LEF1: variants seen among roughly 807,000 people sequenced by gnomAD.
LEF1 encodes the protein lymphoid enhancer-binding factor 1.
LEF1 carries 14 observed loss-of-function variants against 51.2 expected under a neutral mutation model. The ratio of observed to expected loss-of-function variants is 0.27; its 90% CI spans 0.18 to 0.43. The LOEUF is 0.43. LEF1 is among the 20% of genes least tolerant of loss of function. The pLI is 1.00. For synonymous variants in LEF1, 185 were observed against 183.2 expected, an observed-to-expected ratio of 1.01 and a Z score of -0.08; for missense variants, 386 against 512.0, an observed-to-expected ratio of 0.75 and a Z score of 2.37.
intron 11 of LEF1, among the ~76,000 whole-genome samples, chr4:108,063,020 T>C (rs1472035887): frequency 6.6e-6 from 1 of 152,156 alleles, no homozygotes; most frequent in Non-Finnish European, 1.5e-5. Flanking sequence ...TACTTATAAA[T>C]ACTAGAGCAA....
intron 1 of LEF1, among the ~76,000 whole-genome samples, chr4:108,166,050 A>T (rs537983684): frequency 5.8e-4 from 88 of 152,270 alleles, no homozygotes; most frequent in African/African-American, 1.9e-3. Context: ...TACAAATAGG[A>T]GAGTTTGGCA....
At chr4:108,143,815 G>A (rs937006758) in intron 3 of LEF1, among the ~76,000 whole-genome samples, 2 of 152,132 alleles carry the variant, frequency 1.3e-5, no homozygotes, top group Non-Finnish European at 1.5e-5. Flanking sequence ...AAAGCATATG[G>A]AATCTCAGTA....
chr4:108,068,595 C>T (rs951140363), intron 9 of LEF1, among the ~76,000 whole-genome samples: 2 of 152,212 alleles, frequency 1.3e-5, no homozygotes, highest in Admixed American at 6.5e-5. Flanking sequence ...GCTGACTATG[C>T]TGTTTCCCAT....
intron 3 of LEF1, among the ~76,000 whole-genome samples, chr4:108,123,365 G>T (rs1486781465): frequency 5.4e-5 from 8 of 149,244 alleles, no homozygotes; most frequent in Non-Finnish European, 1.2e-4. Flanking sequence ...GGGAAGGTAG[G>T]TTTATTTCTA....
In LEF1 at chr4:108,163,669, C is replaced by T; in HGVS notation, c.313G>A (p.Gly105Arg). 1 of 1,613,752 alleles carries T rather than the reference C, an allele frequency of 6.2e-7. No homozygotes were observed. Among genetic ancestry groups the T allele is most frequent in the Non-Finnish European group, 8.5e-7 (1 of 1,179,800 alleles). The change falls in exon 3 of 12, where the codon GGA becomes AGA. Residue 105 changes from glycine to arginine, a missense_variant. Around this residue, in one of 2 missense-constraint regions of LEF1, gnomAD observed 335 missense variants for 390.7 expected, o/e 0.86. Transcript: ENST00000265165. ...CCGGAATAACTCGAGTAGGAGGGTCCCTTGTTGTAGAGGCCTCCATCTGGA... is the reference window on the plus strand; with the variant it reads ...CCGGAATAACTCGAGTAGGAGGGTCTCTTGTTGTAGAGGCCTCCATCTGGA... ...KHPDGGLYNK[G>R]PSYSSYSGYI... is the part of the protein sequence containing the mutation.
chr4:108,165,097 C>T lies in LEF1; in HGVS notation c.280G>A (p.Gly94Arg), dbSNP rs200139061. Residue 94 changes from glycine to arginine, a missense_variant and splice_region_variant, in exon 2 of 12, where the codon GGA (glycine) becomes AGA (arginine). This residue lies in a region of LEF1 where 335 missense variants were observed against 390.7 expected (regional missense o/e 0.86). Transcript: ENST00000265165. ...AGAAGAAGTAGAATGGGTGTCTTAC[C>T]GTCATCGGGGTGTTCTCTGGCCTTG... The part of the protein sequence containing the change: ...HDKAREHPDD[G>R]KHPDGGLYNK... The T allele has an allele frequency of 4.3e-6, 7 of 1,613,768 alleles. No homozygotes were observed.
intron 9 of LEF1, among the ~76,000 whole-genome samples, chr4:108,068,547 T>C (rs1230633752): frequency 6.6e-6 from 1 of 152,204 alleles, no homozygotes; most frequent in Non-Finnish European, 1.5e-5. Context: ...ACCATCAGCA[T>C]ATGGTAGTTA....
At chr4:108,118,148 T>C (rs1478092056) in intron 3 of LEF1, among the ~76,000 whole-genome samples, 1 of 152,178 alleles carries the variant, frequency 6.6e-6, no homozygotes, top group Non-Finnish European at 1.5e-5. Flanking sequence ...ATCCAGATCT[T>C]TCACCAAAGT....
At chr4:108,105,482 G>A (rs1351907569) in intron 3 of LEF1, among the ~76,000 whole-genome samples, 1 of 152,066 alleles carries the variant, frequency 6.6e-6, no homozygotes, top group East Asian at 1.9e-4. Flanking sequence ...CGCCCAGCCT[G>A]AACCCGCTTT....
At chr4:108,153,470 G>A (rs2110400269) in intron 3 of LEF1, among the ~76,000 whole-genome samples, 1 of 152,274 alleles carries the variant, frequency 6.6e-6, no homozygotes, top group South Asian at 2.1e-4. Context: ...CCCTCTGTCT[G>A]ACTTTGCTGG....
intron 4 of LEF1, among the ~76,000 whole-genome samples, chr4:108,087,718 T>C (rs1739744149): frequency 6.6e-6 from 1 of 152,218 alleles, no homozygotes; most frequent in African/African-American, 2.4e-5. Flanking sequence ...AACAACTAAA[T>C]AGGTTCCCAG....
chr4:108,078,397 T>C lies in LEF1; in HGVS notation c.846-15A>G, dbSNP rs750029030. ...GCTGAGGCTTCCTAAAAGGTGGTGGTGGTGGTGGTTAGGGGAAGGGGTTGA... is the reference window on the plus strand; with the variant it reads ...GCTGAGGCTTCCTAAAAGGTGGTGGCGGTGGTGGTTAGGGGAAGGGGTTGA... On this transcript the variant is annotated splice_polypyrimidine_tract_variant and intron_variant, in intron 7 of 11. Coordinates refer to ENST00000265165, the MANE Select transcript of LEF1 (RefSeq NM_016269.5). 21 of 1,613,824 alleles carry C rather than the reference T, an allele frequency of 1.3e-5. No individual in the cohort carries two copies. The highest frequency in any genetic ancestry group is 1.8e-5 in the Non-Finnish European group (21 of 1,179,988).
chr4:108,111,112 A>G (rs1741506559), intron 3 of LEF1, among the ~76,000 whole-genome samples: 1 of 152,210 alleles, frequency 6.6e-6, no homozygotes. Flanking sequence ...ACACCAAATG[A>G]AAGAACACAT....
At chr4:108,137,176 A>G (rs1241236356) in intron 3 of LEF1, among the ~76,000 whole-genome samples, 1 of 152,212 alleles carries the variant, frequency 6.6e-6, no homozygotes, top group Non-Finnish European at 1.5e-5. Context: ...AAAACATCAC[A>G]AATCATCAAA....
chr4:108,129,650 A>G lies in LEF1; in HGVS notation c.414+33918T>C, dbSNP rs550842059. Among the ~76,000 whole-genome samples, 14 of 152,348 alleles carry G rather than the reference A, an allele frequency of 9.2e-5. 2 individuals are homozygous for G. In the South Asian group the frequency reaches 2.9e-3, roughly 32 times the overall value. ...ACCTTGCCAGCATGTTCCACTTCAT[A>G]AACAACGAAACTAAGGTTGTTCTGC... On this transcript the variant is annotated intron_variant, in intron 3 of 11. Coordinates refer to ENST00000265165, the MANE Select transcript of LEF1 (RefSeq NM_016269.5).
At chr4:108,140,399 C>T (rs781269414) in intron 3 of LEF1, among the ~76,000 whole-genome samples, 2 of 152,212 alleles carry the variant, frequency 1.3e-5, no homozygotes, top group Non-Finnish European at 2.9e-5. Context: ...CTCCTTTCCT[C>T]TATCTACTTT....
intron 3 of LEF1, among the ~76,000 whole-genome samples, chr4:108,137,906 T>C (rs1393839318): frequency 6.6e-6 from 1 of 152,234 alleles, no homozygotes; most frequent in Non-Finnish European, 1.5e-5. Context: ...TTGAAAGAGA[T>C]ATATAATTTC....
intron 3 of LEF1, among the ~76,000 whole-genome samples, chr4:108,129,834 G>A (rs1421367328): frequency 6.6e-6 from 1 of 152,068 alleles, no homozygotes; most frequent in East Asian, 1.9e-4. Context: ...TACAAATTTG[G>A]GTACTTAGTA....
intron 1 of LEF1, among the ~76,000 whole-genome samples, chr4:108,165,668 G>C (rs932235617): frequency 1.3e-5 from 2 of 152,222 alleles, no homozygotes; most frequent in African/African-American, 4.8e-5. Flanking sequence ...CCTGAGCGCA[G>C]TTACAGCAGA....
Sources: gnomAD v4.1 joint callset for allele counts (sites outside exome capture counted in the v4.1 genomes callset) on GRCh38, gnomAD v4.1.1 for gene constraint, gnomAD v4.1.1 regional missense constraint, MANE v1.5 for transcripts, NCBI Gene and HGNC (gene_info 2026-07-23, HGNC 2026-07-21) for gene names.